Variants in PDE1C observed in about 807,000 individuals in gnomAD.
PDE1C encodes dual specificity calcium/calmodulin-dependent 3',5'-cyclic nucleotide phosphodiesterase 1C.
Under a neutral mutation model 93.1 loss-of-function variants are expected in PDE1C, and 62 were observed. The ratio of observed to expected loss-of-function variants is 0.67; its 90% CI spans 0.54 to 0.82. PDE1C has a LOEUF of 0.82. Among genes scored for constraint, PDE1C ranks in the 40% least tolerant of loss-of-function variants. PDE1C has a pLI of 0.00. For missense variants in PDE1C, 742 were observed against 884.6 expected (o/e 0.84, Z 2.04); for synonymous variants, 325 against 310.1 (o/e 1.05, Z -0.50).
chr7:32,357,978 C>T (rs1391354006), intron 1 of PDE1C, among the ~76,000 whole-genome samples: 1 of 152,202 alleles, frequency 6.6e-6, no homozygotes, highest in African/African-American at 2.4e-5. Flanking sequence ...TTCCAATTTG[C>T]AGGGGCACTT....
chr7:31,724,055 C>G, the PDE1C span, among the ~76,000 whole-genome samples: 8 of 152,280 alleles, frequency 5.3e-5, no homozygotes, highest in South Asian at 8.3e-4. Context: ...TATGTCTGAA[C>G]TCAATGGTAC....
At chr7:32,284,241 T>G (rs1304469416) in intron 1 of PDE1C, among the ~76,000 whole-genome samples, 4 of 152,204 alleles carry the variant, frequency 2.6e-5, no homozygotes, top group African/African-American at 7.2e-5. Flanking sequence ...CAAGACCCTA[T>G]TCACATGGCA....
intron 2 of PDE1C, among the ~76,000 whole-genome samples, chr7:31,984,085 A>G (rs1004226454): frequency 2.6e-5 from 4 of 152,088 alleles, no homozygotes; most frequent in African/African-American, 4.8e-5. Flanking sequence ...GGTATGATAG[A>G]GGTGGAGAGG....
At chr7:31,875,945 G>T (rs1319236656) in intron 5 of PDE1C, among the ~76,000 whole-genome samples, 1 of 150,444 alleles carries the variant, frequency 6.6e-6, no homozygotes, top group Middle Eastern at 3.2e-3. Context: ...AACCACAAAG[G>T]TTAACATGAC....
At chr7:31,758,029 G>C (rs1283407226) in intron 17 of PDE1C, among the ~76,000 whole-genome samples, 1 of 152,064 alleles carries the variant, frequency 6.6e-6, no homozygotes, top group East Asian at 1.9e-4. Context: ...CCATCATTCT[G>C]AGCAAACTAT....
intron 1 of PDE1C, among the ~76,000 whole-genome samples, chr7:32,364,905 A>C (rs1784202180): frequency 6.6e-6 from 1 of 152,224 alleles, no homozygotes; most frequent in African/African-American, 2.4e-5. Flanking sequence ...AGGAAAATTA[A>C]TTCCCATTAC....
chr7:32,062,467 T>C (rs936217121), intron 1 of PDE1C, among the ~76,000 whole-genome samples: 2 of 152,208 alleles, frequency 1.3e-5, no homozygotes, highest in African/African-American at 4.8e-5. Context: ...TGTCTTTAGA[T>C]CTTTACAGGT....
intron 14 of PDE1C, among the ~76,000 whole-genome samples, chr7:31,822,014 T>G (rs888232924): frequency 1.3e-5 from 2 of 152,118 alleles, no homozygotes; most frequent in Non-Finnish European, 2.9e-5. Context: ...GCCTAGGGCT[T>G]AGACTGGTGG....
chr7:32,056,033 T>A lies in PDE1C; in HGVS notation c.102-4453A>T, dbSNP rs114474289. 9.1e-3 allele frequency among the ~76,000 whole-genome samples: 1,390 copies of A among 152,312 alleles called. 33 individuals are homozygous for A. Among genetic ancestry groups the A allele is most frequent in the African/African-American group, 0.032 (1,315 of 41,558 alleles). ...CCATTCCTGGCTTGTTTTTAAAATT[T>A]GTTTCTAAAACTTAATTTAAATTTG... On this transcript the variant is annotated intron_variant, in intron 1 of 17. Coordinates refer to ENST00000396191, the MANE Select transcript of PDE1C (RefSeq NM_001191057.4).
In PDE1C at chr7:31,771,293, C is replaced by T. The variant is rs912132535; in HGVS notation, c.1960+4371G>A. 2.6e-5 allele frequency among the ~76,000 whole-genome samples: 4 copies of T among 152,168 alleles called. No individual in the cohort carries two copies. The East Asian group carries it at 7.7e-4, about 29-fold the overall frequency. On this transcript the variant is annotated intron_variant, in intron 17 of 17. Coordinates refer to ENST00000396191, the MANE Select transcript of PDE1C (RefSeq NM_001191057.4). The stretch of plus-strand genomic sequence containing the variant: ...CCCTGCTTCTTGACTTTGCCTTTGG[C>T]CAGACCATTTTTCACAGCAGCTGTG...
intron 1 of PDE1C, among the ~76,000 whole-genome samples, chr7:32,243,267 A>G (rs1315699381): frequency 6.6e-6 from 1 of 152,214 alleles, no homozygotes; most frequent in African/African-American, 2.4e-5. Context: ...AGGTCCCTCC[A>G]TAACTAGGGG....
intron 3 of PDE1C, among the ~76,000 whole-genome samples, chr7:32,129,073 G>C (rs1267227924): frequency 2.0e-5 from 3 of 150,788 alleles, no homozygotes; most frequent in Non-Finnish European, 4.4e-5. Context: ...AATTAGTCAT[G>C]TGAATTATTT....
chr7:31,854,337 T>A (rs1246113988), intron 7 of PDE1C, among the ~76,000 whole-genome samples: 2 of 152,162 alleles, frequency 1.3e-5, no homozygotes, highest in Non-Finnish European at 1.5e-5. Context: ...AATTAACTAC[T>A]GTGAACCCAG....
At chr7:32,377,629 G>A (rs1357654631) in intron 1 of PDE1C, among the ~76,000 whole-genome samples, 2 of 152,124 alleles carry the variant, frequency 1.3e-5, no homozygotes, top group Non-Finnish European at 2.9e-5. Flanking sequence ...GTGCTTTATA[G>A]ATATTAATTT....
At chr7:31,940,108 C>T (rs916557565) in intron 2 of PDE1C, among the ~76,000 whole-genome samples, 2 of 152,270 alleles carry the variant, frequency 1.3e-5, no homozygotes, top group Admixed American at 6.5e-5. Flanking sequence ...GAGACTGATT[C>T]ATTTTATTTA....
intron 2 of PDE1C, among the ~76,000 whole-genome samples, chr7:31,972,870 T>A (rs1811144881): frequency 1.3e-5 from 2 of 152,236 alleles, no homozygotes; most frequent in South Asian, 4.2e-4. Flanking sequence ...CTGCCCCCCA[T>A]GAGCCTGGCA....
At chr7:31,998,274 C>T (rs1380167965) in intron 2 of PDE1C, among the ~76,000 whole-genome samples, 1 of 152,160 alleles carries the variant, frequency 6.6e-6, no homozygotes, top group South Asian at 2.1e-4. Context: ...CCGCCTTGGC[C>T]TCCCAAAGTG....
At chr7:31,912,080 G>A (rs1801312704) in intron 2 of PDE1C, among the ~76,000 whole-genome samples, 1 of 152,110 alleles carries the variant, frequency 6.6e-6, no homozygotes, top group South Asian at 2.1e-4. Context: ...GGCAAAAAGG[G>A]TTACTCTACA....
chr7:32,098,229 C>CAAAAAAAAAAAAAAAAAAAAA (rs60146342), intron 3 of PDE1C, among the ~76,000 whole-genome samples: 3 of 46,256 alleles, frequency 6.5e-5, no homozygotes, highest in Admixed American at 2.3e-4. Flanking sequence ...GACTCCGTCT[C>CAAAAAAAAAAAAAAAAAAAAA]AAAAAAAAAA....
Sources: gnomAD v4.1 joint callset for allele counts (sites outside exome capture counted in the v4.1 genomes callset) on GRCh38, gnomAD v4.1.1 for gene constraint, MANE v1.5 for transcripts, NCBI Gene and HGNC (gene_info 2026-07-23, HGNC 2026-07-21) for gene names.